The following ITFG1 variants were observed in gnomAD, a reference collection of about 807,000 sequenced individuals.
ITFG1 encodes the protein T-cell immunomodulatory protein.
In ITFG1, 34 loss-of-function variants were observed where a neutral mutation model predicts 81.8. That is an observed-to-expected ratio of 0.42 (90% CI 0.32 to 0.55). The LOEUF (loss-of-function observed/expected upper bound fraction) is 0.55, where lower values mean the gene tolerates loss of function less well. Ranked by LOEUF, ITFG1 falls within the 20% of genes least tolerant of loss-of-function variation. ITFG1 has a pLI of 0.17. For missense variants in ITFG1, 672 were observed against 755.4 expected, an observed-to-expected ratio of 0.89 and a Z score of 1.29; for synonymous variants, 285 against 270.6, an observed-to-expected ratio of 1.05 and a Z score of -0.52.
chr16:47,447,276 G>A (rs1969335994), intron 5 of ITFG1, among the ~76,000 whole-genome samples: 1 of 152,110 alleles, frequency 6.6e-6, no homozygotes, highest in African/African-American at 2.4e-5. Flanking sequence ...AAAAGGAAAT[G>A]TTACTATCAA....
chr16:47,283,265 G>T (rs774886101), intron 10 of ITFG1, among the ~76,000 whole-genome samples: 6 of 152,092 alleles, frequency 3.9e-5, no homozygotes, highest in Non-Finnish European at 8.8e-5. Flanking sequence ...TGTATATGGT[G>T]AGAGACAGGG....
intron 5 of ITFG1, among the ~76,000 whole-genome samples, chr16:47,433,902 A>ATATG (rs1969128971): frequency 1.0e-5 from 1 of 99,716 alleles, no homozygotes; most frequent in Non-Finnish European, 2.0e-5. Context: ...ATATATATAT[A>ATATG]TATAGTTGTC....
At chr16:47,420,238 T>C (rs947786986) in intron 6 of ITFG1, among the ~76,000 whole-genome samples, 3 of 150,752 alleles carry the variant, frequency 2.0e-5, no homozygotes, top group Non-Finnish European at 4.4e-5. Flanking sequence ...AATTAGTTGA[T>C]TTTTTTTATG....
In ITFG1 at chr16:47,306,962, C is replaced by T. The variant is rs180945547; in HGVS notation, c.1070+4278G>A. The stretch of plus-strand genomic sequence containing the variant: ...ACAAAAAATTAGCCGGGCATGGTGG[C>T]GGGCGCCTCTAGTCCCAGCTACTCA... On this transcript the variant is annotated intron_variant, in intron 10 of 17. Transcript: ENST00000320640. Among the ~76,000 whole-genome samples the T allele has an allele frequency of 1.3e-4, 20 of 151,496 alleles. No individual in the cohort carries two copies. The East Asian group carries it at 1.4e-3, about 10-fold the overall frequency.
At chr16:47,424,438 C>T (rs1968993015) in intron 6 of ITFG1, among the ~76,000 whole-genome samples, 1 of 152,174 alleles carries the variant, frequency 6.6e-6, no homozygotes. Context: ...TCTGTCAACT[C>T]ATCAAACTCA....
Position 47,454,237 on chromosome 16 carries a change from T to C in ITFG1, c.282-79A>G, listed in dbSNP as rs1969424099. 2.0e-5 allele frequency: 24 copies of C among 1,197,452 alleles called. No homozygotes were observed. The South Asian group carries it at 3.2e-4, about 16-fold the overall frequency. The allele number at this position is 1,197,452 out of a possible 1,614,324, so 74.2% of individuals were successfully genotyped here. The stretch of plus-strand genomic sequence containing the variant: ...ATTCTGTATTTCTACCACACAAAAA[T>C]ATTTTCAATGAAAAACTTAAAACTT... On this transcript the variant is annotated intron_variant, in intron 2 of 17. Transcript: ENST00000320640.
intron 10 of ITFG1, 38 bp from the exon 11 acceptor site, chr16:47,260,733 A>G (rs758338289): frequency 1.2e-6 from 2 of 1,607,418 alleles, no homozygotes; most frequent in African/African-American, 1.3e-5. Context: ...TAATATAAAC[A>G]TCAACACTGT....
chr16:47,290,145 A>G (rs1966889738), intron 10 of ITFG1, among the ~76,000 whole-genome samples: 1 of 152,164 alleles, frequency 6.6e-6, no homozygotes, highest in Admixed American at 6.5e-5. Context: ...TTCTTTGGTT[A>G]CAGATTTCTA....
rs1230381342 is a variant in ITFG1, at chr16:47,355,350, T to A, written c.802+10438A>T. Among the ~76,000 whole-genome samples, 4 of 152,046 alleles carry A rather than the reference T, an allele frequency of 2.6e-5. No individual in the cohort carries two copies. In the South Asian group the frequency reaches 6.2e-4, roughly 24 times the overall value. On this transcript the variant is annotated intron_variant, in intron 8 of 17. Coordinates refer to ENST00000320640, the MANE Select transcript of ITFG1 (RefSeq NM_030790.5). Reference sequence around the variant, plus strand: ...TGGAATCTAAAATAAGTAGATCTCATAGAAGTAGAGAGAATAGTGATTATC... The same window carrying A: ...TGGAATCTAAAATAAGTAGATCTCAAAGAAGTAGAGAGAATAGTGATTATC...
intron 14 of ITFG1, among the ~76,000 whole-genome samples, chr16:47,188,122 G>A (rs1209538029): frequency 1.3e-5 from 2 of 150,324 alleles, no homozygotes; most frequent in Non-Finnish European, 3.0e-5. Context: ...AACAGGTGCT[G>A]GAGAGGATGT....
At chr16:47,260,825 T>C (rs1966202343) in intron 10 of ITFG1, 130 bp from the exon 11 acceptor site, 1 of 1,010,444 alleles carries the variant, frequency 9.9e-7, no homozygotes, top group South Asian at 1.8e-5. Flanking sequence ...AATCTCCACA[T>C]TTTTTGTTTA....
At chr16:47,327,883 A>G (rs1490479114) in intron 8 of ITFG1, among the ~76,000 whole-genome samples, 1 of 152,228 alleles carries the variant, frequency 6.6e-6, no homozygotes. Flanking sequence ...TGGGACTGTA[A>G]ACTAGTTCAA....
rs1185617423 is a variant in ITFG1 at position 47,412,789 on chromosome 16, C to T, written c.655+16015G>A. Among the ~76,000 whole-genome samples the T allele has an allele frequency of 2.6e-5, 4 of 151,506 alleles. No homozygotes were observed. The East Asian group carries it at 7.7e-4, about 29-fold the overall frequency. ...GACTCCCAGAGCATGAAGACTGGTC[C>T]TTCAAATCAACTCTGCCAGACAAAA... On this transcript the variant is annotated intron_variant, in intron 6 of 17. Transcript: ENST00000320640.
chr16:47,328,579 G>C (rs1270422810), intron 8 of ITFG1, among the ~76,000 whole-genome samples: 1 of 152,116 alleles, frequency 6.6e-6, no homozygotes, highest in East Asian at 1.9e-4. Flanking sequence ...TGTTAAAACA[G>C]AAGAAAAATA....
intron 6 of ITFG1, among the ~76,000 whole-genome samples, chr16:47,403,427 TA>T (rs765723662): frequency 3.1e-4 from 47 of 152,052 alleles, no homozygotes; most frequent in East Asian, 1.9e-3. Flanking sequence ...AAAAGGAGGT[TA>T]GGGGGTGACG....
intron 10 of ITFG1, among the ~76,000 whole-genome samples, chr16:47,273,478 T>C (rs1432968934): frequency 6.6e-6 from 1 of 152,214 alleles, no homozygotes; most frequent in African/African-American, 2.4e-5. Flanking sequence ...TTGCAACATA[T>C]GCTACTGACA....
At chr16:47,160,675 A>G (rs1964789822) in intron 16 of ITFG1, among the ~76,000 whole-genome samples, 2 of 152,156 alleles carry the variant, frequency 1.3e-5, no homozygotes, top group South Asian at 4.1e-4. Context: ...TTTCTTAAGC[A>G]GTTTGGTTCT....
rs548934086 is a variant in ITFG1, at chr16:47,418,268, T to C, written c.655+10536A>G. Among the ~76,000 whole-genome samples the C allele has an allele frequency of 8.5e-5, 13 of 152,362 alleles. No individual in the cohort carries two copies. In the South Asian group the frequency reaches 2.5e-3, roughly 29 times the overall value. ...AATTCTTTGAGTTCATTGTATATTA[T>C]GGATATTTGTCCCTTGCCTAATGAA... On this transcript the variant is annotated intron_variant, in intron 6 of 17. Coordinates refer to ENST00000320640, the MANE Select transcript of ITFG1 (RefSeq NM_030790.5).
At chr16:47,249,409 A>G (rs1966040460) in intron 12 of ITFG1, among the ~76,000 whole-genome samples, 1 of 152,204 alleles carries the variant, frequency 6.6e-6, no homozygotes, top group African/African-American at 2.4e-5. Context: ...ACAAAGCGAG[A>G]CTGTGTCTCA....
Sources: gnomAD v4.1 joint callset for allele counts (sites outside exome capture counted in the v4.1 genomes callset) on GRCh38, gnomAD v4.1.1 for gene constraint, MANE v1.5 for transcripts, NCBI Gene and HGNC (gene_info 2026-07-23, HGNC 2026-07-21) for gene names.